Variants in ARHGEF3 observed in about 807,000 individuals in gnomAD.
ARHGEF3 encodes the protein 59.8 kDA protein.
A neutral mutation model predicts 63.2 loss-of-function variants in ARHGEF3; 28 were observed. The ratio of observed to expected loss-of-function variants is 0.44; its 90% CI spans 0.33 to 0.61. The LOEUF is 0.61. ARHGEF3 is among the 20% of genes least tolerant of loss of function. ARHGEF3 has a pLI of 0.03. For synonymous variants in ARHGEF3, 266 were observed against 254.2 expected (o/e 1.05, Z -0.44); for missense variants, 533 against 659.3 (o/e 0.81, Z 2.10).
intron 2 of ARHGEF3, among the ~76,000 whole-genome samples, chr3:57,030,124 G>A (rs184217798): frequency 3.9e-5 from 6 of 152,310 alleles, no homozygotes; most frequent in African/African-American, 7.2e-5. Context: ...TGCCTGCAGC[G>A]CTGGGGCAAA....
intron 1 of ARHGEF3, among the ~76,000 whole-genome samples, chr3:57,065,569 A>C (rs1315339154): frequency 6.6e-6 from 1 of 152,232 alleles, no homozygotes; most frequent in Non-Finnish European, 1.5e-5. Context: ...GTGCTAAAAA[A>C]CAGACTGGGT....
chr3:56,757,777 C>A (rs932422672), intron 2 of ARHGEF3, among the ~76,000 whole-genome samples: 1 of 151,112 alleles, frequency 6.6e-6, no homozygotes, highest in Non-Finnish European at 1.5e-5. Flanking sequence ...GGCTGGTGTG[C>A]AGTGGCGCAG....
At chr3:56,815,119 G>A (rs1385975662) in intron 4 of ARHGEF3, among the ~76,000 whole-genome samples, 1 of 151,150 alleles carries the variant, frequency 6.6e-6, no homozygotes, top group East Asian at 1.9e-4. Context: ...ATTCCAGCTT[G>A]GGCAACAGAG....
chr3:56,961,968 C>T (rs951602645), intron 2 of ARHGEF3, among the ~76,000 whole-genome samples: 1 of 152,110 alleles, frequency 6.6e-6, no homozygotes, highest in Non-Finnish European at 1.5e-5. Flanking sequence ...TTGCTTAAGC[C>T]CAGAAGTTTG....
Position 56,873,079 on chromosome 3 carries a change from G to T in ARHGEF3, c.192+9213C>A, listed in dbSNP as rs184424238. On this transcript the variant is annotated intron_variant, in intron 4 of 12. Coordinates refer to the ARHGEF3 transcript ENST00000338458. ...AGTGGCATGATCTCAGCTCACTGCA[G>T]TCTCTGCCTCCTGGGCTCAGGTGAT... is the stretch of plus-strand genomic sequence containing the variant. Among the ~76,000 whole-genome samples, 237 of 152,148 alleles carry T rather than the reference G, an allele frequency of 1.6e-3. 1 individual carries two copies. Among genetic ancestry groups the T allele is most frequent in the African/African-American group, 5.4e-3 (226 of 41,526 alleles).
chr3:57,068,302 CATT>C (rs1313214162), intron 1 of ARHGEF3, among the ~76,000 whole-genome samples: 7 of 152,170 alleles, frequency 4.6e-5, no homozygotes, highest in African/African-American at 9.7e-5. Flanking sequence ...GTAGCATCAT[CATT>C]CTTATCTCAC....
intron 2 of ARHGEF3, among the ~76,000 whole-genome samples, chr3:57,030,061 T>C (rs774625338): frequency 3.9e-5 from 6 of 152,152 alleles, no homozygotes; most frequent in Non-Finnish European, 7.4e-5. Context: ...CCACGTCTAA[T>C]GGGGAGGGCT....
At chr3:56,796,359 G>T (rs2037367872) in intron 1 of ARHGEF3, among the ~76,000 whole-genome samples, 1 of 152,168 alleles carries the variant, frequency 6.6e-6, no homozygotes, top group Non-Finnish European at 1.5e-5. Context: ...CCAGTGATTG[G>T]TTTACACAGA....
intron 2 of ARHGEF3, among the ~76,000 whole-genome samples, chr3:56,772,714 T>C (rs2036071513): frequency 2.0e-5 from 3 of 152,180 alleles, no homozygotes; most frequent in Non-Finnish European, 4.4e-5. Flanking sequence ...GTAGCTAATA[T>C]TTACTACTTA....
chr3:56,835,571 C>T (rs75692790), intron 4 of ARHGEF3, among the ~76,000 whole-genome samples: 15,895 of 152,130 alleles, frequency 0.1, 995 homozygotes, highest in Non-Finnish European at 0.13. Context: ...TGAATTAATG[C>T]TAAATAACAG....
chr3:56,927,363 A>G (rs1474264771), intron 3 of ARHGEF3, among the ~76,000 whole-genome samples: 1 of 152,252 alleles, frequency 6.6e-6, no homozygotes, highest in Non-Finnish European at 1.5e-5. Context: ...ACAAAAAGCA[A>G]TTATAAGTGC....
intron 2 of ARHGEF3, among the ~76,000 whole-genome samples, chr3:56,975,073 C>A (rs1042512343): frequency 2.6e-5 from 4 of 152,076 alleles, no homozygotes; most frequent in African/African-American, 7.2e-5. Flanking sequence ...ACTGGGGGTA[C>A]CCTCAATCTC....
chr3:56,926,187 A>T (rs1388783968), intron 3 of ARHGEF3, among the ~76,000 whole-genome samples: 2 of 152,116 alleles, frequency 1.3e-5, no homozygotes, highest in Non-Finnish European at 2.9e-5. Context: ...GATGTATAGG[A>T]GTTGCCAGGC....
At chr3:56,812,410 C>T (rs1256998184) in intron 4 of ARHGEF3, among the ~76,000 whole-genome samples, 1 of 152,202 alleles carries the variant, frequency 6.6e-6, no homozygotes, top group Non-Finnish European at 1.5e-5. Context: ...CACACTAATT[C>T]CTGAACAAGG....
At chr3:57,058,226 T>C (rs1198705893) in intron 1 of ARHGEF3, among the ~76,000 whole-genome samples, 1 of 152,204 alleles carries the variant, frequency 6.6e-6, no homozygotes, top group African/African-American at 2.4e-5. Flanking sequence ...GTATTACCAC[T>C]TGCTCCCTCA....
rs192042620 is a variant in ARHGEF3 at position 57,036,947 on chromosome 3, G to A, written c.-27-1771C>T. 5.3e-5 allele frequency among the ~76,000 whole-genome samples: 8 copies of A among 152,308 alleles called. No homozygotes were observed. In the East Asian group the frequency reaches 1.2e-3, roughly 22 times the overall value. On this transcript the variant is annotated intron_variant, in intron 1 of 12. Transcript: ENST00000338458. ...TAAATTCTCCAATCTAGGTGAGCAG[G>A]ACCTACAGGATACCTGGGACCCTTG...
chr3:56,886,537 C>T lies in ARHGEF3; in HGVS notation c.130-4183G>A, dbSNP rs139796576. On this transcript the variant is annotated intron_variant, in intron 3 of 12. Coordinates refer to the ARHGEF3 transcript ENST00000338458. ...ACAGAGTAGCTCATGGAAGAAATCA[C>T]CAGTTGGAAATAAGCCACGGAAACA... Among the ~76,000 whole-genome samples, 8 of 152,286 alleles carry T rather than the reference C, an allele frequency of 5.3e-5. No individual in the cohort carries two copies. The East Asian group carries it at 1.3e-3, about 26-fold the overall frequency.
intron 2 of ARHGEF3, among the ~76,000 whole-genome samples, chr3:56,768,667 C>CAAAAAAAAAAAAAAAA (rs770390697): frequency 4.5e-5 from 2 of 44,024 alleles, no homozygotes; most frequent in African/African-American, 8.2e-5. Flanking sequence ...AAGCAAAATG[C>CAAAAAAAAAAAAAAAA]AAAAAAAAAA....
At chr3:56,789,793 C>T (rs923305633) in intron 1 of ARHGEF3, among the ~76,000 whole-genome samples, 2 of 152,194 alleles carry the variant, frequency 1.3e-5, no homozygotes, top group African/African-American at 4.8e-5. Flanking sequence ...TGGAAAATCA[C>T]TATCACCTGC....
Sources: gnomAD v4.1 joint callset for allele counts (sites outside exome capture counted in the v4.1 genomes callset) on GRCh38, gnomAD v4.1.1 for gene constraint, MANE v1.5 for transcripts, NCBI Gene and HGNC (gene_info 2026-07-23, HGNC 2026-07-21) for gene names.